The following CTNNA2 variants were observed in gnomAD, a reference collection of about 807,000 sequenced individuals.
The protein encoded by CTNNA2 is catenin alpha-2.
A neutral mutation model predicts 101.0 loss-of-function variants in CTNNA2; 42 were observed. The ratio of observed to expected loss-of-function variants is 0.42; its 90% CI spans 0.32 to 0.54. The LOEUF is 0.54. Among genes scored for constraint, CTNNA2 ranks in the 20% least tolerant of loss-of-function variants. CTNNA2 has a pLI of 0.14. For synonymous variants in CTNNA2, 450 were observed against 456.4 expected (o/e 0.99, Z 0.18); for missense variants, 871 against 1,223.1 (o/e 0.71, Z 4.29).
chr2:79,916,965 G>A (rs1389528631), intron 7 of CTNNA2, among the ~76,000 whole-genome samples: 4 of 151,848 alleles, frequency 2.6e-5, no homozygotes, highest in Admixed American at 6.6e-5. Flanking sequence ...TTTGTTTTTT[G>A]AGACGGAGTC....
intron 7 of CTNNA2, among the ~76,000 whole-genome samples, chr2:79,989,395 G>C (rs1161256068): frequency 6.6e-6 from 1 of 152,120 alleles, no homozygotes; most frequent in Non-Finnish European, 1.5e-5. Context: ...GGCTGTAGTG[G>C]GTGGATCACT....
intron 4 of CTNNA2, among the ~76,000 whole-genome samples, chr2:79,382,230 C>T (rs1573138787): frequency 6.6e-6 from 1 of 152,082 alleles, no homozygotes; most frequent in African/African-American, 2.4e-5. Flanking sequence ...AGACTTATAC[C>T]ACTGGCTTTT....
At chr2:79,308,548 T>G (rs1051068516) in intron 2 of CTNNA2, among the ~76,000 whole-genome samples, 34 of 152,200 alleles carry the variant, frequency 2.2e-4, no homozygotes, top group African/African-American at 7.2e-4. Flanking sequence ...TTCCCTGTGC[T>G]TTCGAGCTCT....
At chr2:80,398,693 A>T (rs1440126851) in intron 8 of CTNNA2, among the ~76,000 whole-genome samples, 1 of 134,768 alleles carries the variant, frequency 7.4e-6, no homozygotes, top group Non-Finnish European at 1.5e-5. Context: ...CGTCTCTGCT[A>T]AAAATACAAA....
chr2:80,130,205 A>G (rs1434118899), intron 7 of CTNNA2, among the ~76,000 whole-genome samples: 1 of 152,174 alleles, frequency 6.6e-6, no homozygotes, highest in East Asian at 1.9e-4. Context: ...ACTTGCCTGG[A>G]AAGCTTATGT....
At chr2:80,083,510 C>T (rs1699269115) in intron 7 of CTNNA2, among the ~76,000 whole-genome samples, 1 of 152,020 alleles carries the variant, frequency 6.6e-6, no homozygotes, top group African/African-American at 2.4e-5. Flanking sequence ...GTATTCTACG[C>T]ATCTCCAGTC....
intron 4 of CTNNA2, among the ~76,000 whole-genome samples, chr2:79,431,815 AT>A (rs1678662347): frequency 6.6e-6 from 1 of 152,060 alleles, no homozygotes; most frequent in African/African-American, 2.4e-5. Context: ...GGTGATGCAA[AT>A]TTTTTTCACC....
intron 3 of CTNNA2, among the ~76,000 whole-genome samples, chr2:79,317,678 T>G (rs144036523): frequency 1.8e-3 from 267 of 152,226 alleles, no homozygotes; most frequent in African/African-American, 6.3e-3. Flanking sequence ...TTATTTCATA[T>G]ATTTGGTTGG....
intron 7 of CTNNA2, among the ~76,000 whole-genome samples, chr2:80,310,844 G>A (rs906355986): frequency 5.3e-5 from 8 of 151,872 alleles, no homozygotes; most frequent in Admixed American, 2.0e-4. Flanking sequence ...CTGGTGACGG[G>A]CGCCTGTAAT....
intron 4 of CTNNA2, among the ~76,000 whole-genome samples, chr2:79,393,868 A>C (rs998800798): frequency 2.6e-5 from 4 of 152,050 alleles, no homozygotes; most frequent in Admixed American, 2.0e-4. Flanking sequence ...ATGTCTGTCC[A>C]ACCCTGCAGG....
chr2:79,316,505 G>C (rs945514941), intron 3 of CTNNA2, among the ~76,000 whole-genome samples: 1 of 151,972 alleles, frequency 6.6e-6, no homozygotes, highest in African/African-American at 2.4e-5. Context: ...AGATCAGTTT[G>C]AATAAATTGG....
At chr2:79,275,379 T>C (rs1263204590) in intron 2 of CTNNA2, among the ~76,000 whole-genome samples, 2 of 151,944 alleles carry the variant, frequency 1.3e-5, no homozygotes, top group Non-Finnish European at 2.9e-5. Flanking sequence ...AAAATACAGA[T>C]TAATTTCCTC....
At chr2:80,379,045 G>T (rs1040078356) in intron 7 of CTNNA2, among the ~76,000 whole-genome samples, 2 of 152,054 alleles carry the variant, frequency 1.3e-5, no homozygotes, top group Admixed American at 1.3e-4. Flanking sequence ...CTTCTTGAGG[G>T]CTGGGGCATA....
chr2:79,636,716 ATAATT>A (rs1413664333), intron 1 of CTNNA2: 1 of 152,172 alleles, frequency 6.6e-6, no homozygotes, highest in Non-Finnish European at 1.5e-5. Flanking sequence ...ATAATTTTGA[ATAATT>A]TAAGAATCAC....
chr2:79,588,101 T>C (rs764200109), intron 1 of CTNNA2, among the ~76,000 whole-genome samples: 15 of 152,342 alleles, frequency 9.8e-5, no homozygotes, highest in South Asian at 2.1e-4. Flanking sequence ...CAGGCCATTC[T>C]AAGATGAACA....
chr2:80,371,617 A>G lies in CTNNA2; in HGVS notation c.1057-21594A>G, dbSNP rs180955072. The stretch of plus-strand genomic sequence containing the variant: ...AATGAGATCATCAATAAACAGGTGA[A>G]GAGAGAATGGGGAGCATTGTAGATT... On this transcript the variant is annotated intron_variant, in intron 7 of 18. Transcript: ENST00000402739. Among the ~76,000 whole-genome samples, 209 of 152,046 alleles carry G rather than the reference A, an allele frequency of 1.4e-3. 1 individual carries two copies. Among genetic ancestry groups the G allele is most frequent in the African/African-American group, 4.9e-3 (205 of 41,440 alleles).
intron 3 of CTNNA2, among the ~76,000 whole-genome samples, chr2:79,840,382 G>T (rs976827711): frequency 6.6e-6 from 1 of 152,146 alleles, no homozygotes; most frequent in African/African-American, 2.4e-5. Context: ...TAACTCTAAA[G>T]TTACCAGTAC....
chr2:79,989,469 A>G (rs1481845577), intron 7 of CTNNA2, among the ~76,000 whole-genome samples: 1 of 152,142 alleles, frequency 6.6e-6, no homozygotes, highest in African/African-American at 2.4e-5. Flanking sequence ...ACAAAAACAA[A>G]CAAACAAACA....
intron 6 of CTNNA2, among the ~76,000 whole-genome samples, chr2:79,899,265 C>T (rs1684917415): frequency 6.6e-6 from 1 of 152,104 alleles, no homozygotes; most frequent in African/African-American, 2.4e-5. Flanking sequence ...TACTCACTTT[C>T]TAATCAATTC....
Sources: allele counts gnomAD v4.1 joint callset (sites outside exome capture counted in the v4.1 genomes callset), GRCh38; gene constraint gnomAD v4.1.1; transcripts MANE v1.5; gene names NCBI Gene and HGNC (gene_info 2026-07-23, HGNC 2026-07-21).